Variants in SMOC1 observed in about 807,000 individuals in gnomAD.
SMOC1 encodes SPARC-related modular calcium-binding protein 1.
SMOC1 carries 22 observed loss-of-function variants against 56.3 expected under a neutral mutation model. That is an observed-to-expected ratio of 0.39 (90% CI 0.28 to 0.56). SMOC1 has a LOEUF of 0.56. Ranked by LOEUF, SMOC1 falls within the 20% of genes least tolerant of loss-of-function variation. SMOC1 has a pLI of 0.61. For synonymous variants in SMOC1, 193 were observed against 215.0 expected, an observed-to-expected ratio of 0.90 and a Z score of 0.89; for missense variants, 509 against 565.4, an observed-to-expected ratio of 0.90 and a Z score of 1.01.
intron 1 of SMOC1, among the ~76,000 whole-genome samples, chr14:69,937,714 T>C (rs1192129686): frequency 6.6e-6 from 1 of 152,140 alleles, no homozygotes; most frequent in Non-Finnish European, 1.5e-5. Context: ...CTTCTCCCCT[T>C]TTGCCTGTGA....
At chr14:69,979,691 C>T (rs1263046750) in intron 5 of SMOC1, among the ~76,000 whole-genome samples, 1 of 152,102 alleles carries the variant, frequency 6.6e-6, no homozygotes, top group East Asian at 1.9e-4. Flanking sequence ...CCTCAAACTC[C>T]TGGGCTCAAG....
Position 69,992,463 on chromosome 14 carries a change from C to G in SMOC1, c.573C>G (p.Phe191Leu). ...CCACGATGGAGACCCAGCCGGTGTT[C>G]GATGGAGATGGTAAGATCTTGCATT... ...PTPTMETQPV[F>L]DGDEITAPTL... Residue 191 changes from phenylalanine to leucine, a missense_variant, in exon 6 of 12, where the codon TTC becomes TTG. Transcript: ENST00000361956. The G allele has an allele frequency of 4.3e-6, 7 of 1,613,370 alleles. No homozygotes were observed. Among genetic ancestry groups the G allele is most frequent in the Non-Finnish European group, 5.9e-6 (7 of 1,179,296 alleles).
At chr14:69,984,903 A>G (rs1884312107) in intron 5 of SMOC1, among the ~76,000 whole-genome samples, 1 of 151,862 alleles carries the variant, frequency 6.6e-6, no homozygotes. Context: ...TTAGCCAGGC[A>G]TGGTGATGTG....
At chr14:69,974,164 T>A (rs1156687856) in intron 3 of SMOC1, among the ~76,000 whole-genome samples, 2 of 152,096 alleles carry the variant, frequency 1.3e-5, no homozygotes, top group Non-Finnish European at 2.9e-5. Flanking sequence ...TAGCATGCAG[T>A]CCCTGAGGTC....
chr14:69,952,101 A>C, intron 1 of SMOC1, 37 bp from the exon 2 acceptor site: 1 of 1,613,396 alleles, frequency 6.2e-7, no homozygotes, highest in Non-Finnish European at 8.5e-7. Context: ...TTCTTGCAAA[A>C]GTAACCTCTG....
chr14:69,967,210 C>T (rs1389261804), intron 3 of SMOC1, among the ~76,000 whole-genome samples: 2 of 152,330 alleles, frequency 1.3e-5, no homozygotes, highest in Non-Finnish European at 2.9e-5. Context: ...GCTTCCTTTC[C>T]TGCATCTCCT....
At chr14:69,970,091 A>G (rs1334198247) in intron 3 of SMOC1, among the ~76,000 whole-genome samples, 1 of 152,122 alleles carries the variant, frequency 6.6e-6, no homozygotes, top group Non-Finnish European at 1.5e-5. Context: ...AGAACATCCC[A>G]GGGGAAGCAG....
intron 1 of SMOC1, chr14:69,885,732 G>T (rs1189933530): frequency 6.8e-6 from 10 of 1,468,364 alleles, no homozygotes; most frequent in Admixed American, 5.0e-5. Context: ...ACTCCTGCTC[G>T]AAGGACAGGT....
At chr14:69,944,699 A>G (rs1288460518) in intron 1 of SMOC1, among the ~76,000 whole-genome samples, 1 of 152,142 alleles carries the variant, frequency 6.6e-6, no homozygotes, top group South Asian at 2.1e-4. Flanking sequence ...ACCTTGACAT[A>G]TATTAATTTC....
intron 3 of SMOC1, among the ~76,000 whole-genome samples, chr14:69,956,448 C>CTTTTT (rs3052655): frequency 1.5e-5 from 2 of 130,790 alleles, no homozygotes; most frequent in Non-Finnish European, 3.2e-5. Context: ...CTTAGCTGGG[C>CTTTTT]TTTTTTTTTT....
intron 1 of SMOC1, among the ~76,000 whole-genome samples, chr14:69,892,945 T>C (rs1299917693): frequency 6.6e-6 from 1 of 152,224 alleles, no homozygotes; most frequent in Non-Finnish European, 1.5e-5. Context: ...GGTCCACATA[T>C]TGCAATTGGT....
chr14:69,926,818 T>C (rs78914568), intron 1 of SMOC1, among the ~76,000 whole-genome samples: 3,613 of 152,292 alleles, frequency 0.024, 58 homozygotes, highest in Middle Eastern at 0.051. Context: ...GCAGACCTCA[T>C]TGAAAGCCAT....
Position 69,883,627 on chromosome 14 carries a change from C to T in SMOC1, c.99+3850C>T, listed in dbSNP as rs536780820. ...TTTCTTCAACATACTGATTTCATTTCCTTTGGATAAATGTCCAGCAGTGAG... is the reference window on the plus strand; with the variant it reads ...TTTCTTCAACATACTGATTTCATTTTCTTTGGATAAATGTCCAGCAGTGAG... On this transcript the variant is annotated intron_variant, in intron 1 of 11. Transcript: ENST00000361956. Among the ~76,000 whole-genome samples the T allele has an allele frequency of 2.6e-5, 4 of 152,276 alleles. No homozygotes were observed. The East Asian group carries it at 5.8e-4, about 22-fold the overall frequency.
Position 69,975,804 on chromosome 14 carries a change from T to C in SMOC1, c.468T>C (p.Pro156=), listed in dbSNP as rs760166312. The C allele has an allele frequency of 1.2e-6, 2 of 1,611,614 alleles. No homozygotes were observed. Among genetic ancestry groups the C allele is most frequent in the South Asian group, 2.2e-5 (2 of 90,988 alleles). ...ISGSSVQNKT[P]VCSGSVTDKP... ...GCTCTTCTGTGCAGAATAAAACTCC[T>C]GTATGTTCAGGTACCGTAGGGAGGG... The change falls in exon 4 of 12, where the codon CCT becomes CCC. Residue 156 remains proline (P), a synonymous_variant. Coordinates refer to ENST00000361956, the MANE Select transcript of SMOC1 (RefSeq NM_001034852.3).
In SMOC1 at chr14:70,023,395, C is replaced by A. The variant is rs532611778; in HGVS notation, c.1239C>A (p.Asp413Glu). Reference protein sequence around the residue: ...RFTDYCDLNKDKVISLPELKG... With the variant: ...RFTDYCDLNKEKVISLPELKG... ...CCGACTACTGTGACCTGAACAAAGA[C>A]AAGGTCATTTCACTGCCTGAGCTGA... The change falls in exon 11 of 12, where the codon GAC becomes GAA. Residue 413 changes from aspartate (D) to glutamate (E), a missense_variant. By Grantham distance (45) the Asp-to-Glu change is conservative. This residue lies in a region of SMOC1 where 176 missense variants were observed against 188.1 expected (regional missense o/e 0.94). Coordinates refer to ENST00000361956, the MANE Select transcript of SMOC1 (RefSeq NM_001034852.3). The A allele has an allele frequency of 1.2e-6, 2 of 1,614,080 alleles. No individual in the cohort carries two copies.
At chr14:69,980,312 G>A (rs564643871) in intron 5 of SMOC1, among the ~76,000 whole-genome samples, 21 of 152,258 alleles carry the variant, frequency 1.4e-4, no homozygotes, top group Non-Finnish European at 3.1e-4. Flanking sequence ...CCTTGCCCTC[G>A]ATGGGTCCCT....
intron 1 of SMOC1, among the ~76,000 whole-genome samples, chr14:69,936,617 T>C (rs890272692): frequency 3.3e-5 from 5 of 152,238 alleles, no homozygotes; most frequent in African/African-American, 7.2e-5. Flanking sequence ...CCGGCCAGCG[T>C]TGGATGCTTT....
intron 5 of SMOC1, among the ~76,000 whole-genome samples, chr14:69,987,456 T>G (rs1315619394): frequency 3.9e-5 from 6 of 152,186 alleles, no homozygotes; most frequent in African/African-American, 1.4e-4. Context: ...CATTTGCTTT[T>G]GAAGGACCTG....
intron 1 of SMOC1, among the ~76,000 whole-genome samples, chr14:69,948,215 T>A (rs1202432964): frequency 6.6e-6 from 1 of 152,214 alleles, no homozygotes; most frequent in East Asian, 1.9e-4. Context: ...AGCTTCATTT[T>A]ATAGAGCTCA....
Sources: allele counts gnomAD v4.1 joint callset (sites outside exome capture counted in the v4.1 genomes callset), GRCh38; gene constraint gnomAD v4.1.1; regional missense constraint gnomAD v4.1.1; transcripts MANE v1.5; gene names NCBI Gene and HGNC (gene_info 2026-07-23, HGNC 2026-07-21).